Variants in SFMBT1 observed in about 807,000 individuals in gnomAD.
SFMBT1 encodes Scm like with four mbt domains 1, also known as scm-like with four MBT domains protein 1.
Under a neutral mutation model 108.7 loss-of-function variants are expected in SFMBT1, and 32 were observed. The observed-to-expected ratio is 0.29, with a 90% CI of 0.22 to 0.40. SFMBT1 has a LOEUF of 0.40. Ranked by LOEUF, SFMBT1 falls within the 10% of genes least tolerant of loss-of-function variation. SFMBT1 has a pLI of 1.00. For synonymous variants in SFMBT1, 348 were observed against 369.5 expected (o/e 0.94, Z 0.67); for missense variants, 816 against 1,059.6 (o/e 0.77, Z 3.19).
At chr3:52,931,638 G>A (rs1258486801) in intron 6 of SFMBT1, among the ~76,000 whole-genome samples, 1 of 152,102 alleles carries the variant, frequency 6.6e-6, no homozygotes, top group Non-Finnish European at 1.5e-5. Flanking sequence ...TCAAGAGCTC[G>A]AGACCAGACT....
At chr3:52,912,961 T>C (rs918798970) in intron 15 of SFMBT1, among the ~76,000 whole-genome samples, 21 of 152,188 alleles carry the variant, frequency 1.4e-4, no homozygotes, top group Admixed American at 1.3e-4. Context: ...CAGAAAATTA[T>C]ATTTGTTTGG....
chr3:52,930,517 C>T (rs961312224), intron 7 of SFMBT1, 87 bp from the exon 8 acceptor site: 8 of 789,162 alleles, frequency 1.0e-5, no homozygotes, highest in Admixed American at 3.9e-5. Flanking sequence ...CAGAAATGTC[C>T]AGCTCTGGTA....
At chr3:53,011,274 T>C (rs2564946) in intron 1 of SFMBT1, among the ~76,000 whole-genome samples, 149,890 of 152,260 alleles carry the variant, frequency 0.98, 73,833 homozygotes, top group Middle Eastern at 1. Context: ...CCAAGCAGCA[T>C]GCAAAGGGTA....
At chr3:52,952,457 A>C (rs529283799) in intron 3 of SFMBT1, among the ~76,000 whole-genome samples, 3 of 152,284 alleles carry the variant, frequency 2.0e-5, no homozygotes, top group African/African-American at 7.2e-5. Context: ...CTCCAGTATG[A>C]CTGTTTGGAT....
intron 1 of SFMBT1, among the ~76,000 whole-genome samples, chr3:53,016,399 A>C (rs1699127775): frequency 6.6e-6 from 1 of 152,182 alleles, no homozygotes; most frequent in African/African-American, 2.4e-5. Flanking sequence ...GCATACAATC[A>C]ATGTCCAACC....
chr3:52,941,127 A>G (rs1439138409), intron 4 of SFMBT1, among the ~76,000 whole-genome samples: 2 of 152,248 alleles, frequency 1.3e-5, no homozygotes, highest in Non-Finnish European at 2.9e-5. Flanking sequence ...ATACAGCATA[A>G]TGAACATTAT....
chr3:52,969,175 G>C lies in SFMBT1; in HGVS notation c.-47C>G, dbSNP rs374718502. The C allele has an allele frequency of 1.9e-6, 3 of 1,612,008 alleles. No individual in the cohort carries two copies. Among genetic ancestry groups the C allele is most frequent in the Admixed American group, 1.7e-5 (1 of 59,482 alleles). ...TATATCCTCCCAAAACAAAGGAAAG[G>C]CCTATGGTTCTGCTAGGATCTGAAG... On this transcript the variant is annotated 5_prime_UTR_variant, in exon 2 of 21. Coordinates refer to ENST00000394752, the MANE Select transcript of SFMBT1 (RefSeq NM_016329.4).
rs973954493 is a variant in SFMBT1 at position 52,928,217 on chromosome 3, T to A, written c.1022A>T (p.Asn341Ile). 7 of 1,613,308 alleles carry A rather than the reference T, an allele frequency of 4.3e-6. No homozygotes were observed. Among genetic ancestry groups the A allele is most frequent in the Non-Finnish European group, 5.1e-6 (6 of 1,179,796 alleles). ...GIFPVQWSLK[N>I]GLHISPPPGY... ...TGGAGGGGGGCTGATGTGTAGGCCA[T>A]TCTTCAGACTCCACTGCACAGGGAA... The change falls in exon 9 of 21, where the codon AAT becomes ATT. Residue 341 changes from asparagine (N) to isoleucine (I), a missense_variant. Asn to Ile is a moderately radical substitution (Grantham distance 149, BLOSUM62 -3). Coordinates refer to ENST00000394752, the MANE Select transcript of SFMBT1 (RefSeq NM_016329.4).
At chr3:53,019,904 C>A (rs1173236261) in intron 1 of SFMBT1, among the ~76,000 whole-genome samples, 1 of 152,186 alleles carries the variant, frequency 6.6e-6, no homozygotes, top group South Asian at 2.1e-4. Context: ...GGTGTCCCCA[C>A]TTACCACTTC....
At chr3:53,022,998 TAA>T (rs1384101570) in intron 1 of SFMBT1, among the ~76,000 whole-genome samples, 2 of 152,210 alleles carry the variant, frequency 1.3e-5, no homozygotes, top group African/African-American at 2.4e-5. Context: ...ATAAAAAATT[TAA>T]AAAAGTCATC....
intron 8 of SFMBT1, among the ~76,000 whole-genome samples, chr3:52,929,888 A>AGCCAGTCCAG (rs1702805297): frequency 1.3e-5 from 2 of 152,294 alleles, no homozygotes; most frequent in African/African-American, 2.4e-5. Flanking sequence ...CTGAATCTGG[A>AGCCAGTCCAG]ATACATAGCT....
At chr3:52,913,117 A>G (rs868288174) in intron 15 of SFMBT1, among the ~76,000 whole-genome samples, 2 of 152,216 alleles carry the variant, frequency 1.3e-5, no homozygotes, top group African/African-American at 4.8e-5. Context: ...TGGGAAGAAC[A>G]GAAAGCCCAG....
chr3:52,925,992 G>A, intron 10 of SFMBT1, 39 bp downstream of exon 10: 2 of 1,429,748 alleles, frequency 1.4e-6, no homozygotes, highest in Non-Finnish European at 1.8e-6. Flanking sequence ...AGTCCCTGCA[G>A]CCCTGCCATA....
intron 1 of SFMBT1, among the ~76,000 whole-genome samples, chr3:53,027,408 T>C (rs1011166042): frequency 1.3e-5 from 2 of 152,186 alleles, no homozygotes; most frequent in Non-Finnish European, 2.9e-5. Flanking sequence ...CCAGGGAACT[T>C]ACTCAATTTT....
intron 1 of SFMBT1, among the ~76,000 whole-genome samples, chr3:52,986,174 G>T (rs961595819): frequency 1.3e-5 from 2 of 151,032 alleles, no homozygotes; most frequent in African/African-American, 2.4e-5. Context: ...ATAAAAAATG[G>T]AACACTTATA....
At chr3:52,986,558 G>A (rs1346826604) in intron 1 of SFMBT1, among the ~76,000 whole-genome samples, 2 of 151,786 alleles carry the variant, frequency 1.3e-5, no homozygotes, top group African/African-American at 4.8e-5. Context: ...CTGAGATCAG[G>A]AGTTTGAGAC....
chr3:52,984,069 T>A (rs1181818477), intron 1 of SFMBT1, among the ~76,000 whole-genome samples: 1 of 152,082 alleles, frequency 6.6e-6, no homozygotes, highest in Non-Finnish European at 1.5e-5. Flanking sequence ...ATTTGGTGTA[T>A]GAGAGAAAGA....
chr3:52,955,095 C>T (rs1703735566), intron 2 of SFMBT1, among the ~76,000 whole-genome samples: 1 of 151,952 alleles, frequency 6.6e-6, no homozygotes, highest in South Asian at 2.1e-4. Context: ...ACACGAAAAA[C>T]CCTTCAAAAA....
At chr3:53,004,249 CTTCT>C (rs1346503266) in intron 1 of SFMBT1, among the ~76,000 whole-genome samples, 1 of 86,938 alleles carries the variant, frequency 1.2e-5, no homozygotes, top group Non-Finnish European at 2.8e-5. Flanking sequence ...TCCCTTCTTT[CTTCT>C]TTCTCTCTCT....
Sources: allele counts gnomAD v4.1 joint callset (sites outside exome capture counted in the v4.1 genomes callset), GRCh38; gene constraint gnomAD v4.1.1; transcripts MANE v1.5; gene names NCBI Gene and HGNC (gene_info 2026-07-23, HGNC 2026-07-21).